Variants in ADAMTSL1 observed in about 807,000 individuals in gnomAD.
ADAMTSL1 encodes the protein ADAMTS like 1.
Under a neutral mutation model 201.8 loss-of-function variants are expected in ADAMTSL1, and 126 were observed. The ratio of observed to expected loss-of-function variants is 0.62; its 90% confidence interval spans 0.54 to 0.72. The LOEUF (loss-of-function observed/expected upper bound fraction) is 0.72. Ranked by LOEUF, ADAMTSL1 falls within the 30% of genes least tolerant of loss-of-function variation. The probability of loss-of-function intolerance (pLI) is 0.00; values close to 1 mark genes in which losing one functional copy is unlikely to be tolerated. For synonymous variants in ADAMTSL1, 1,121 were observed against 903.4 expected (o/e 1.24, Z -4.32); for missense variants, 2,679 against 2,277.8 (o/e 1.18, Z -3.59).
At chr9:18,029,149 AG>A (rs1820822959) in intron 1 of ADAMTSL1, among the ~76,000 whole-genome samples, 1 of 152,170 alleles carries the variant, frequency 6.6e-6, no homozygotes, top group Non-Finnish European at 1.5e-5. Context: ...TATCAGCTTA[AG>A]GAGATTTTGG....
intron 23 of ADAMTSL1, among the ~76,000 whole-genome samples, chr9:18,846,597 G>T (rs1223513908): frequency 1.3e-5 from 2 of 152,214 alleles, no homozygotes; most frequent in African/African-American, 4.8e-5. Flanking sequence ...AAAAACAAGA[G>T]AGAGAGGTTG....
At chr9:17,945,731 C>T (rs1176696362) in intron 1 of ADAMTSL1, among the ~76,000 whole-genome samples, 2 of 150,222 alleles carry the variant, frequency 1.3e-5, no homozygotes, top group Non-Finnish European at 2.9e-5. Flanking sequence ...AAACCAAACA[C>T]CGCATATTCT....
At chr9:18,711,143 A>G (rs1291834405) in intron 14 of ADAMTSL1, among the ~76,000 whole-genome samples, 1 of 152,254 alleles carries the variant, frequency 6.6e-6, no homozygotes, top group Admixed American at 6.5e-5. Flanking sequence ...TTGAAAATAT[A>G]CATTTCTTGT....
intron 1 of ADAMTSL1, among the ~76,000 whole-genome samples, chr9:17,949,052 C>T (rs1827625946): frequency 6.6e-6 from 1 of 152,162 alleles, no homozygotes; most frequent in Non-Finnish European, 1.5e-5. Flanking sequence ...AGTGGCCATT[C>T]CAGTATCTGA....
At chr9:18,754,578 C>T (rs1316439901) in intron 16 of ADAMTSL1, among the ~76,000 whole-genome samples, 1 of 152,178 alleles carries the variant, frequency 6.6e-6, no homozygotes, top group Non-Finnish European at 1.5e-5. Flanking sequence ...GACGACAGCT[C>T]ACATACCATT....
At chr9:18,265,590 T>A (rs986772052) in intron 2 of ADAMTSL1, among the ~76,000 whole-genome samples, 1 of 152,202 alleles carries the variant, frequency 6.6e-6, no homozygotes, top group South Asian at 2.1e-4. Flanking sequence ...TAAAGGTATA[T>A]ACCCTGAGCA....
chr9:18,681,790 C>G (rs200207759), intron 11 of ADAMTSL1, 22 bp from the exon 12 acceptor site: 1 of 1,573,500 alleles, frequency 6.4e-7, no homozygotes, highest in Non-Finnish European at 8.6e-7. Flanking sequence ...CGAGTCTCCT[C>G]TCTCTTGCAA....
At chr9:18,254,306 A>G (rs185368912) in intron 2 of ADAMTSL1, among the ~76,000 whole-genome samples, 2 of 145,048 alleles carry the variant, frequency 1.4e-5, no homozygotes, top group Middle Eastern at 3.8e-3. Flanking sequence ...AGTATCTTAA[A>G]CAGCCTCACC....
chr9:18,293,953 A>G (rs902780654), intron 2 of ADAMTSL1, among the ~76,000 whole-genome samples: 1 of 152,216 alleles, frequency 6.6e-6, no homozygotes. Flanking sequence ...TGTACTAAAC[A>G]TAAAATAACA....
chr9:18,213,684 C>T (rs566915832), intron 2 of ADAMTSL1, among the ~76,000 whole-genome samples: 1 of 152,244 alleles, frequency 6.6e-6, no homozygotes, highest in South Asian at 2.1e-4. Flanking sequence ...CATACGGAAA[C>T]CTCAGAGATA....
chr9:18,698,988 A>G (rs752792731), intron 13 of ADAMTSL1, among the ~76,000 whole-genome samples: 112 of 152,330 alleles, frequency 7.4e-4, no homozygotes, highest in African/African-American at 1.9e-3. Context: ...TGACTTCAAC[A>G]AAGTGCTCAA....
At chr9:18,634,475 A>G (rs1395856408) in intron 5 of ADAMTSL1, among the ~76,000 whole-genome samples, 1 of 152,020 alleles carries the variant, frequency 6.6e-6, no homozygotes, top group African/African-American at 2.4e-5. Flanking sequence ...AAGTAGGAGG[A>G]TCTCTTGAGC....
At chr9:18,787,105 T>C (rs1045194904) in intron 19 of ADAMTSL1, among the ~76,000 whole-genome samples, 2 of 152,114 alleles carry the variant, frequency 1.3e-5, no homozygotes, top group Admixed American at 6.5e-5. Flanking sequence ...TTGCAGATAA[T>C]ATAAAAACTA....
chr9:18,139,142 C>A (rs547716683), intron 1 of ADAMTSL1, among the ~76,000 whole-genome samples: 1 of 152,252 alleles, frequency 6.6e-6, no homozygotes, highest in South Asian at 2.1e-4. Context: ...ATTGATTCAG[C>A]AAACCTTGAA....
chr9:18,282,772 C>G (rs1056111024), intron 2 of ADAMTSL1, among the ~76,000 whole-genome samples: 1 of 152,194 alleles, frequency 6.6e-6, no homozygotes, highest in Admixed American at 6.5e-5. Flanking sequence ...TAGCGCAGGC[C>G]TGTAATCCCA....
chr9:18,189,333 A>C (rs139978121), intron 2 of ADAMTSL1, among the ~76,000 whole-genome samples: 1 of 152,138 alleles, frequency 6.6e-6, no homozygotes, highest in Admixed American at 6.6e-5. Flanking sequence ...AAAAAACCTT[A>C]AGTATTAGAT....
Position 18,908,892 on chromosome 9 carries a change from C to G in ADAMTSL1, c.*344C>G. The G allele has an allele frequency of 4.7e-6, 1 of 214,234 alleles. No individual in the cohort carries two copies. Among genetic ancestry groups the G allele is most frequent in the South Asian group, 8.9e-5 (1 of 11,254 alleles). The allele number at this position is 214,234 out of a possible 1,614,324, so 13.3% of individuals were successfully genotyped here. A position where few individuals can be genotyped will look rare whatever the true frequency, so the allele number is the denominator to read the frequency against. ...AGGCAGGCACAGCCCCTGCGGACAG[C>G]AGGGAGCCAGAAGGTTTGTAGCCTA... On this transcript the variant is annotated 3_prime_UTR_variant, in exon 29 of 29. Transcript: ENST00000380548.
At chr9:18,651,677 A>G (rs1161319136) in intron 7 of ADAMTSL1, among the ~76,000 whole-genome samples, 2 of 152,180 alleles carry the variant, frequency 1.3e-5, no homozygotes, top group East Asian at 3.9e-4. Flanking sequence ...AATTGTTACC[A>G]AAATTGCATC....
At chr9:18,669,833 C>CTT (rs761536435) in intron 9 of ADAMTSL1, among the ~76,000 whole-genome samples, 7 of 152,104 alleles carry the variant, frequency 4.6e-5, no homozygotes, top group Non-Finnish European at 8.8e-5. Context: ...TCATCCAGTA[C>CTT]TTAGTTTTTG....
Sources: allele counts gnomAD v4.1 joint callset (sites outside exome capture counted in the v4.1 genomes callset), GRCh38; gene constraint gnomAD v4.1.1; transcripts MANE v1.5; gene names NCBI Gene and HGNC (gene_info 2026-07-23, HGNC 2026-07-21).